Variants in NCKAP5 observed in about 807,000 individuals in gnomAD.
NCKAP5 encodes the protein nck-associated protein 5.
NCKAP5 carries 92 observed loss-of-function variants against 167.0 expected under a neutral mutation model. The observed-to-expected ratio is 0.55, with a 90% CI of 0.47 to 0.66. NCKAP5 has a LOEUF of 0.66. Ranked by LOEUF, NCKAP5 falls within the 30% of genes least tolerant of loss-of-function variation. The pLI is 0.00. For missense variants in NCKAP5, 2,378 were observed against 2,315.0 expected (o/e 1.03, Z -0.56); for synonymous variants, 891 against 877.4 (o/e 1.02, Z -0.27).
intron 8 of NCKAP5, among the ~76,000 whole-genome samples, chr2:132,959,450 C>G (rs535637725): frequency 2.0e-5 from 3 of 152,210 alleles, no homozygotes; most frequent in African/African-American, 7.2e-5. Context: ...TGGCTAGAAG[C>G]TGAGTATCAG....
chr2:133,129,826 G>A lies in NCKAP5; in HGVS notation c.341+152C>T, dbSNP rs1222154862. 3 of 824,120 alleles carry A rather than the reference G, an allele frequency of 3.6e-6. No homozygotes were observed. In the Admixed American group the frequency reaches 1.2e-4, roughly 32 times the overall value. The allele number at this position is 824,120 out of a possible 1,614,324, so 51.1% of individuals were successfully genotyped here. A position where few individuals can be genotyped will look rare whatever the true frequency, so the allele number is the denominator to read the frequency against. On this transcript the variant is annotated intron_variant, in intron 6 of 19. Coordinates refer to ENST00000409261, the MANE Select transcript of NCKAP5 (RefSeq NM_207363.3). ...TCAGAAAATTGGTCTGAATGCCATA[G>A]GATGCTTCAGTCAGAACAGAAGGTC...
intron 5 of NCKAP5, among the ~76,000 whole-genome samples, chr2:133,130,712 A>G (rs2082570633): frequency 6.6e-6 from 1 of 152,214 alleles, no homozygotes; most frequent in Admixed American, 6.5e-5. Context: ...CAGGGACTGA[A>G]AGAGGAACTG....
At chr2:132,746,662 T>C (rs1679672205) in intron 16 of NCKAP5, among the ~76,000 whole-genome samples, 1 of 152,174 alleles carries the variant, frequency 6.6e-6, no homozygotes. Flanking sequence ...CAAAGACTTA[T>C]ACACAAATGT....
At chr2:133,369,627 C>T (rs913142195) in intron 3 of NCKAP5, among the ~76,000 whole-genome samples, 1 of 152,090 alleles carries the variant, frequency 6.6e-6, no homozygotes, top group African/African-American at 2.4e-5. Context: ...ATAGCAAACA[C>T]AGGGGGATTA....
intron 6 of NCKAP5, among the ~76,000 whole-genome samples, chr2:133,067,188 T>C (rs2080228843): frequency 6.6e-6 from 1 of 152,154 alleles, no homozygotes; most frequent in African/African-American, 2.4e-5. Context: ...TTATAGGTAC[T>C]GTTCAATAAG....
chr2:132,802,587 A>G (rs1218168609), intron 11 of NCKAP5, among the ~76,000 whole-genome samples: 1 of 152,194 alleles, frequency 6.6e-6, no homozygotes, highest in African/African-American at 2.4e-5. Flanking sequence ...ATTGCCTGTA[A>G]GTTCACCTTT....
chr2:132,940,544 T>C (rs933621546), intron 8 of NCKAP5, among the ~76,000 whole-genome samples: 1 of 151,840 alleles, frequency 6.6e-6, no homozygotes. Context: ...TGAATAACAG[T>C]AAAAAAAATA....
the NCKAP5 span, among the ~76,000 whole-genome samples, chr2:133,659,691 G>T: frequency 9.9e-4 from 151 of 152,194 alleles, no homozygotes; most frequent in Non-Finnish European, 1.7e-3. Context: ...GGAGTGATAA[G>T]AATGTTATAA....
chr2:133,165,454 G>T (rs761218447), intron 5 of NCKAP5, among the ~76,000 whole-genome samples: 1 of 152,014 alleles, frequency 6.6e-6, no homozygotes, highest in Non-Finnish European at 1.5e-5. Context: ...TTCTATTAGG[G>T]GAATGGCTAA....
At chr2:133,036,165 A>G (rs2079034333) in intron 6 of NCKAP5, among the ~76,000 whole-genome samples, 1 of 151,786 alleles carries the variant, frequency 6.6e-6, no homozygotes, top group South Asian at 2.1e-4. Context: ...AAATAACAAG[A>G]TCGATGCCAC....
Position 133,442,619 on chromosome 2 carries a change from G to A in NCKAP5, c.69+74839C>T, listed in dbSNP as rs531274831. ...TCCCAGGCTATTGCCCCAGGGCTGA[G>A]GGCCAGCTCCCTGGTGCTGTCACCA... On this transcript the variant is annotated intron_variant, in intron 3 of 19. Transcript: ENST00000409261. Among the ~76,000 whole-genome samples the A allele has an allele frequency of 8.5e-5, 13 of 152,296 alleles. 1 individual carries two copies. In the South Asian group the frequency reaches 2.5e-3, roughly 29 times the overall value.
the NCKAP5 span, among the ~76,000 whole-genome samples, chr2:133,631,378 T>C: frequency 6.6e-6 from 1 of 152,262 alleles, no homozygotes; most frequent in East Asian, 1.9e-4. Flanking sequence ...TGAAGCAATC[T>C]ACATGTGGAA....
In NCKAP5 at chr2:133,071,104, T is replaced by C. The variant is rs187818653; in HGVS notation, c.341+58874A>G. The stretch of plus-strand genomic sequence containing the variant: ...AAAGGTGACACTAAAGAAGCAAAAA[T>C]AAGTCTGTTAATTTCCAGGAAGCTT... On this transcript the variant is annotated intron_variant, in intron 6 of 19. Coordinates refer to ENST00000409261, the MANE Select transcript of NCKAP5 (RefSeq NM_207363.3). Among the ~76,000 whole-genome samples, 532 of 152,142 alleles carry C rather than the reference T, an allele frequency of 3.5e-3. 2 individuals are homozygous for C. Among genetic ancestry groups the C allele is most frequent in the Non-Finnish European group, 6.0e-3 (406 of 67,964 alleles).
chr2:132,750,453 T>C (rs1281580449), intron 16 of NCKAP5, among the ~76,000 whole-genome samples: 2 of 152,214 alleles, frequency 1.3e-5, no homozygotes, highest in Non-Finnish European at 2.9e-5. Context: ...GCGTATTTTA[T>C]GGAGACAAGA....
the NCKAP5 span, among the ~76,000 whole-genome samples, chr2:133,671,169 C>T: frequency 1.4e-4 from 18 of 131,614 alleles, no homozygotes; most frequent in Admixed American, 1.5e-3. Flanking sequence ...GAGCCAAGAT[C>T]GTGCCATTGC....
At chr2:133,312,726 T>C (rs1681333455) in intron 3 of NCKAP5, among the ~76,000 whole-genome samples, 1 of 152,234 alleles carries the variant, frequency 6.6e-6, no homozygotes, top group African/African-American at 2.4e-5. Flanking sequence ...AATAAATTCC[T>C]ATCTTAATTA....
intron 3 of NCKAP5, among the ~76,000 whole-genome samples, chr2:133,354,092 C>A (rs1684543757): frequency 6.6e-6 from 1 of 152,220 alleles, no homozygotes; most frequent in Non-Finnish European, 1.5e-5. Context: ...GTTTCCCCTC[C>A]CCTCAGGGGT....
At chr2:133,449,650 T>C (rs17803248) in intron 3 of NCKAP5, among the ~76,000 whole-genome samples, 5,567 of 152,254 alleles carry the variant, frequency 0.037, 141 homozygotes, top group Admixed American at 0.083. Context: ...AAATTCTCTA[T>C]CTTCAAAATC....
At chr2:133,384,778 T>C (rs1276533301) in intron 3 of NCKAP5, among the ~76,000 whole-genome samples, 2 of 152,198 alleles carry the variant, frequency 1.3e-5, no homozygotes, top group Non-Finnish European at 2.9e-5. Context: ...CCCTTGTAAG[T>C]TGGATTCCTA....
Sources: allele counts gnomAD v4.1 joint callset (sites outside exome capture counted in the v4.1 genomes callset), GRCh38; gene constraint gnomAD v4.1.1; transcripts MANE v1.5; gene names NCBI Gene and HGNC (gene_info 2026-07-23, HGNC 2026-07-21).